The following NIBAN1 variants were observed in gnomAD, a reference collection of about 807,000 sequenced individuals.
The protein encoded by NIBAN1 is niban apoptosis regulator 1.
In NIBAN1, 81 loss-of-function variants were observed where a neutral mutation model predicts 75.1. That is an observed-to-expected ratio of 1.08 (90% CI 0.90 to 1.30). The LOEUF is 1.30. Among genes scored for constraint, NIBAN1 ranks in the 50% most tolerant of loss-of-function variants. The pLI is 0.00. For synonymous variants in NIBAN1, 436 were observed against 424.8 expected, an observed-to-expected ratio of 1.03 and a Z score of -0.32; for missense variants, 1,133 against 1,128.1, an observed-to-expected ratio of 1.00 and a Z score of -0.06.
At chr1:184,933,992 A>T (rs1259245936) in intron 1 of NIBAN1, among the ~76,000 whole-genome samples, 1 of 152,226 alleles carries the variant, frequency 6.6e-6, no homozygotes, top group Non-Finnish European at 1.5e-5. Flanking sequence ...GAAGAGGAAG[A>T]TGAGAGCTGT....
intron 1 of NIBAN1, among the ~76,000 whole-genome samples, chr1:184,943,520 A>G (rs892160633): frequency 6.6e-6 from 1 of 152,210 alleles, no homozygotes; most frequent in African/African-American, 2.4e-5. Context: ...TTAATGCTGA[A>G]TGACACAGGA....
At chr1:184,921,503 C>G (rs779260954) in intron 1 of NIBAN1, among the ~76,000 whole-genome samples, 3 of 152,086 alleles carry the variant, frequency 2.0e-5, no homozygotes, top group Non-Finnish European at 4.4e-5. Flanking sequence ...CCCATAGATA[C>G]AAATTTTTCC....
chr1:184,926,836 T>A (rs903189844), intron 1 of NIBAN1, among the ~76,000 whole-genome samples: 2 of 152,150 alleles, frequency 1.3e-5, no homozygotes, highest in Non-Finnish European at 2.9e-5. Context: ...CTTCTAGGCA[T>A]GCTTCATTCT....
intron 1 of NIBAN1, among the ~76,000 whole-genome samples, chr1:184,969,667 A>T (rs529777986): frequency 6.6e-6 from 1 of 152,060 alleles, no homozygotes; most frequent in African/African-American, 2.4e-5. Flanking sequence ...TCTCTGAAAC[A>T]GAGGGCAATA....
chr1:184,928,985 A>G (rs966152459), intron 1 of NIBAN1, among the ~76,000 whole-genome samples: 1 of 152,188 alleles, frequency 6.6e-6, no homozygotes, highest in African/African-American at 2.4e-5. Context: ...CTACCTGCAC[A>G]CATACAAATG....
chr1:184,838,909 A>G (rs1459658143), intron 5 of NIBAN1, among the ~76,000 whole-genome samples: 1 of 152,232 alleles, frequency 6.6e-6, no homozygotes, highest in Non-Finnish European at 1.5e-5. Flanking sequence ...ATTACTCACT[A>G]TGCTGCTACG....
chr1:184,931,002 T>TTCTTTTTTC lies in NIBAN1; in HGVS notation c.56-31694_56-31693insGAAAAAAGA, dbSNP rs1553229156. Among the ~76,000 whole-genome samples, 2 of 105,664 alleles carry TTCTTTTTTC rather than the reference T, an allele frequency of 1.9e-5. 1 individual carries two copies. Among genetic ancestry groups the TTCTTTTTTC allele is most frequent in the African/African-American group, 1.6e-4 (2 of 12,556 alleles). The allele number at this position is 105,664 out of a possible 152,430, so 69.3% of individuals were successfully genotyped here. On this transcript the variant is annotated intron_variant, in intron 1 of 13. Transcript: ENST00000367511. ...TAAGTGCACTTTTTCTTCTTCTTTTTTTTTTTTTTTTTTTTGAGACTGAGT... is the reference window on the plus strand; with the variant it reads ...TAAGTGCACTTTTTCTTCTTCTTTTTTCTTTTTTCTTTTTTTTTTTTTTTGAGACTGAGT...
Position 184,851,541 on chromosome 1 carries a change from G to A in NIBAN1, c.602-19579C>T, listed in dbSNP as rs1376279514. On this transcript the variant is annotated intron_variant, in intron 5 of 13. Transcript: ENST00000367511. Reference sequence around the variant, plus strand: ...ATACCTAATGCTAGATGACACGTTAGTGGGTGCAGCGCACCAGCATGGCAC... The same window carrying A: ...ATACCTAATGCTAGATGACACGTTAATGGGTGCAGCGCACCAGCATGGCAC... Among the ~76,000 whole-genome samples, 3 of 72,426 alleles carry A rather than the reference G, an allele frequency of 4.1e-5. 1 individual carries two copies. Among genetic ancestry groups the A allele is most frequent in the South Asian group, 4.2e-4 (1 of 2,402 alleles). The allele number at this position is 72,426 out of a possible 152,430, so 47.5% of individuals were successfully genotyped here. A position where few individuals can be genotyped will look rare whatever the true frequency, so the allele number is the denominator to read the frequency against.
At chr1:184,968,255 T>C (rs1658850837) in intron 1 of NIBAN1, among the ~76,000 whole-genome samples, 1 of 151,768 alleles carries the variant, frequency 6.6e-6, no homozygotes, top group African/African-American at 2.4e-5. Flanking sequence ...AAATCCTTCA[T>C]GGCTTTGCAA....
intron 5 of NIBAN1, among the ~76,000 whole-genome samples, chr1:184,882,945 G>GTT (rs1269695680): frequency 6.6e-6 from 1 of 152,122 alleles, no homozygotes; most frequent in Non-Finnish European, 1.5e-5. Context: ...TTTTAAAAAA[G>GTT]TTCCTAACTA....
chr1:184,969,651 C>G (rs1658884237), intron 1 of NIBAN1, among the ~76,000 whole-genome samples: 1 of 151,748 alleles, frequency 6.6e-6, no homozygotes, highest in South Asian at 2.1e-4. Context: ...TTAAATGGGG[C>G]TAGTGTCTCT....
chr1:184,890,232 G>T lies in NIBAN1; in HGVS notation c.319-10C>A, dbSNP rs755616012. ...CTCCTCTCTGATAGGCCTGGGGAGG[G>T]AAAGGCACACAGGAATGATATCTTT... On this transcript the variant is annotated splice_polypyrimidine_tract_variant and intron_variant, in intron 3 of 13. Coordinates refer to ENST00000367511, the MANE Select transcript of NIBAN1 (RefSeq NM_052966.4). The T allele has an allele frequency of 1.3e-6, 2 of 1,588,280 alleles. No individual in the cohort carries two copies. The highest frequency in any genetic ancestry group is 2.2e-5 in the South Asian group (2 of 90,544).
intron 1 of NIBAN1, among the ~76,000 whole-genome samples, chr1:184,960,945 A>G (rs989154338): frequency 2.0e-5 from 3 of 150,512 alleles, no homozygotes; most frequent in Admixed American, 2.0e-4. Context: ...ACAAAATATT[A>G]ATAGGCATCC....
At chr1:184,886,327 C>G (rs1656524433) in intron 4 of NIBAN1, among the ~76,000 whole-genome samples, 1 of 152,182 alleles carries the variant, frequency 6.6e-6, no homozygotes, top group Non-Finnish European at 1.5e-5. Context: ...CTGTTCCCCT[C>G]CGCAAGGAGC....
intron 1 of NIBAN1, among the ~76,000 whole-genome samples, chr1:184,956,684 A>G (rs1293120576): frequency 6.6e-6 from 1 of 152,232 alleles, no homozygotes; most frequent in Non-Finnish European, 1.5e-5. Flanking sequence ...CTACAGTTCA[A>G]TAAAATTGGT....
chr1:184,908,420 A>G (rs1657157854), intron 1 of NIBAN1, among the ~76,000 whole-genome samples: 1 of 152,198 alleles, frequency 6.6e-6, no homozygotes, highest in Non-Finnish European at 1.5e-5. Context: ...AGTAAGAGAA[A>G]TGGGAGAAGA....
intron 3 of NIBAN1, 94 bp downstream of exon 3, chr1:184,893,981 G>GTAT: frequency 1.5e-6 from 2 of 1,317,026 alleles, no homozygotes; most frequent in Non-Finnish European, 2.0e-6. Context: ...GATTTTGTTA[G>GTAT]TATAGCCTTG....
intron 1 of NIBAN1, among the ~76,000 whole-genome samples, chr1:184,929,321 C>A (rs1657763116): frequency 6.6e-6 from 1 of 152,104 alleles, no homozygotes; most frequent in Non-Finnish European, 1.5e-5. Flanking sequence ...AACTACCACA[C>A]AATCATGAAA....
intron 6 of NIBAN1, among the ~76,000 whole-genome samples, chr1:184,827,072 CTT>C (rs1654860517): frequency 2.6e-5 from 4 of 152,154 alleles, no homozygotes; most frequent in Admixed American, 2.6e-4. Context: ...CTCATTCTCT[CTT>C]GTCTGCTGCC....
Sources: gnomAD v4.1 joint callset for allele counts (sites outside exome capture counted in the v4.1 genomes callset) on GRCh38, gnomAD v4.1.1 for gene constraint, MANE v1.5 for transcripts, NCBI Gene and HGNC (gene_info 2026-07-23, HGNC 2026-07-21) for gene names.